The following TMEM135 variants were observed in gnomAD, a reference collection of about 807,000 sequenced individuals.
TMEM135 encodes the protein transmembrane protein 135.
A neutral mutation model predicts 60.3 loss-of-function variants in TMEM135; 30 were observed. The observed-to-expected ratio is 0.50, with a 90% CI of 0.37 to 0.68. The LOEUF (loss-of-function observed/expected upper bound fraction) is 0.68, where lower values mean the gene tolerates loss of function less well. Ranked by LOEUF, TMEM135 falls within the 30% of genes least tolerant of loss-of-function variation. The pLI is 0.00. For synonymous variants in TMEM135, 190 were observed against 186.7 expected (o/e 1.02, Z -0.14); for missense variants, 468 against 548.8 (o/e 0.85, Z 1.47).
chr11:87,197,283 C>A (rs1454105333), intron 5 of TMEM135, among the ~76,000 whole-genome samples: 1 of 151,994 alleles, frequency 6.6e-6, no homozygotes, highest in Non-Finnish European at 1.5e-5. Context: ...TGGACGAGTA[C>A]ATATTCTTTT....
chr11:87,175,291 T>A (rs1048683170), intron 5 of TMEM135, among the ~76,000 whole-genome samples: 1 of 152,226 alleles, frequency 6.6e-6, no homozygotes, highest in African/African-American at 2.4e-5. Context: ...TCTGGAATAT[T>A]TTATCCTTGT....
chr11:87,101,177 C>G (rs1857449311), intron 4 of TMEM135, among the ~76,000 whole-genome samples: 1 of 152,144 alleles, frequency 6.6e-6, no homozygotes. Context: ...AATATTTTCT[C>G]TGGCCAAGAT....
At chr11:87,286,348 C>A (rs1036613331) in intron 6 of TMEM135, among the ~76,000 whole-genome samples, 1 of 151,938 alleles carries the variant, frequency 6.6e-6, no homozygotes, top group Non-Finnish European at 1.5e-5. Context: ...ATTGGTGCAT[C>A]CATGAACCCC....
rs1334766279 is a variant in TMEM135 at position 87,309,628 on chromosome 11, T to G, written c.892T>G (p.Phe298Val). 8.1e-6 allele frequency: 13 copies of G among 1,613,686 alleles called. No individual in the cohort carries two copies. Among genetic ancestry groups the G allele is most frequent in the Non-Finnish European group, 1.1e-5 (13 of 1,179,798 alleles). Residue 298 changes from phenylalanine (F) to valine (V), a missense_variant, in exon 10 of 15, where the codon TTC (phenylalanine) becomes GTC (valine). Transcript: ENST00000305494. ...TTCTCTCTTCTACAATAAAGAAAAC[T>G]TCCAGCTTGGAGCTTTTCTTGGCTC... is the stretch of plus-strand genomic sequence containing the variant. ...LLSLFYNKEN[F>V]QLGAFLGSFV...
intron 4 of TMEM135, among the ~76,000 whole-genome samples, chr11:87,128,013 A>G (rs191866002): frequency 2.4e-4 from 37 of 152,314 alleles, no homozygotes; most frequent in Non-Finnish European, 1.9e-4. Context: ...TAAGTGTTCT[A>G]TCTCATCATG....
In TMEM135 at chr11:87,255,523, A is replaced by G. The variant is rs534297215; in HGVS notation, c.509+18839A>G. ...CATGGTGGCACATGCCTACAGTCCCAGTTACACAGGAGGCTGAGAAAGGAA... is the reference window on the plus strand; with the variant it reads ...CATGGTGGCACATGCCTACAGTCCCGGTTACACAGGAGGCTGAGAAAGGAA... On this transcript the variant is annotated intron_variant, in intron 6 of 14. Transcript: ENST00000305494. Among the ~76,000 whole-genome samples, 42 of 152,308 alleles carry G rather than the reference A, an allele frequency of 2.8e-4. No homozygotes were observed. In the South Asian group the frequency reaches 6.2e-3, roughly 23 times the overall value.
intron 5 of TMEM135, among the ~76,000 whole-genome samples, chr11:87,194,191 T>TA (rs199795178): frequency 4.2e-3 from 631 of 151,630 alleles, no homozygotes; most frequent in Non-Finnish European, 7.4e-3. Context: ...CTGCACAAGT[T>TA]AAAAAAAAAT....
intron 5 of TMEM135, among the ~76,000 whole-genome samples, chr11:87,174,932 G>C (rs572435772): frequency 2.0e-5 from 3 of 152,120 alleles, no homozygotes; most frequent in Non-Finnish European, 2.9e-5. Context: ...GAAGAAATTA[G>C]TTTTGAACAC....
At chr11:87,265,641 C>T (rs1245431046) in intron 6 of TMEM135, among the ~76,000 whole-genome samples, 1 of 151,954 alleles carries the variant, frequency 6.6e-6, no homozygotes, top group Admixed American at 6.6e-5. Context: ...CCCAATCAGC[C>T]ACCATTTGAT....
At chr11:87,272,046 CTTTTCTTT>C (rs1941873735) in intron 6 of TMEM135, among the ~76,000 whole-genome samples, 1 of 69,662 alleles carries the variant, frequency 1.4e-5, no homozygotes, top group African/African-American at 3.5e-5. Flanking sequence ...CTTTCTTTTT[CTTTTCTTT>C]TTTTTTTTTT....
At chr11:87,082,765 G>C (rs1320850480) in intron 3 of TMEM135, among the ~76,000 whole-genome samples, 1 of 152,120 alleles carries the variant, frequency 6.6e-6, no homozygotes, top group Non-Finnish European at 1.5e-5. Context: ...TTTAATGTCA[G>C]CAATATACGA....
intron 6 of TMEM135, among the ~76,000 whole-genome samples, chr11:87,270,789 T>A (rs1177814471): frequency 6.6e-6 from 1 of 152,172 alleles, no homozygotes; most frequent in Non-Finnish European, 1.5e-5. Context: ...ATATAAGCAA[T>A]TTTATATGTA....
intron 5 of TMEM135, among the ~76,000 whole-genome samples, chr11:87,171,039 G>A (rs1017839392): frequency 6.6e-6 from 1 of 152,068 alleles, no homozygotes; most frequent in Non-Finnish European, 1.5e-5. Flanking sequence ...AAACTAATGA[G>A]CATTAAGCAA....
intron 3 of TMEM135, among the ~76,000 whole-genome samples, chr11:87,083,814 T>G (rs2513240): frequency 0.22 from 32,882 of 152,038 alleles, 4,206 homozygotes; most frequent in East Asian, 0.53. Context: ...TTCTAAAACA[T>G]TCTGACAGTT....
intron 1 of TMEM135, among the ~76,000 whole-genome samples, chr11:87,063,711 T>C (rs1949970735): frequency 6.6e-6 from 1 of 152,172 alleles, no homozygotes; most frequent in Non-Finnish European, 1.5e-5. Context: ...TTGTAAACCT[T>C]GGTTAGAAGC....
At chr11:87,285,470 C>G (rs1942146713) in intron 6 of TMEM135, among the ~76,000 whole-genome samples, 1 of 152,106 alleles carries the variant, frequency 6.6e-6, no homozygotes, top group Non-Finnish European at 1.5e-5. Flanking sequence ...CATGGACTCA[C>G]TGGCTTCAGG....
chr11:87,272,785 T>A (rs753796328), intron 6 of TMEM135, among the ~76,000 whole-genome samples: 30 of 152,210 alleles, frequency 2.0e-4, no homozygotes, highest in Non-Finnish European at 4.1e-4. Flanking sequence ...TGATTCTGAT[T>A]GATACTCTGA....
intron 4 of TMEM135, among the ~76,000 whole-genome samples, chr11:87,147,762 CTT>C (rs1045730584): frequency 2.0e-5 from 3 of 152,004 alleles, no homozygotes; most frequent in African/African-American, 7.2e-5. Flanking sequence ...CTCTTGTTAA[CTT>C]ATTATTTTTT....
At chr11:87,266,905 A>C (rs1323218306) in intron 6 of TMEM135, among the ~76,000 whole-genome samples, 2 of 152,214 alleles carry the variant, frequency 1.3e-5, no homozygotes, top group African/African-American at 4.8e-5. Flanking sequence ...GGTTTTCTCT[A>C]GCAGTACATA....
Sources: gnomAD v4.1 joint callset for allele counts (sites outside exome capture counted in the v4.1 genomes callset) on GRCh38, gnomAD v4.1.1 for gene constraint, MANE v1.5 for transcripts, NCBI Gene and HGNC (gene_info 2026-07-23, HGNC 2026-07-21) for gene names.